NRG2: variants seen among roughly 807,000 people sequenced by gnomAD.
The protein encoded by NRG2 is neuregulin 2, also known as pro-neuregulin-2, membrane-bound isoform.
In NRG2, 27 loss-of-function variants were observed where a neutral mutation model predicts 73.9. The observed-to-expected ratio is 0.37, with a 90% CI of 0.27 to 0.50. NRG2 has a LOEUF of 0.50. Among genes scored for constraint, NRG2 ranks in the 20% least tolerant of loss-of-function variants. The pLI is 0.96. For synonymous variants in NRG2, 532 were observed against 541.0 expected (o/e 0.98, Z 0.23); for missense variants, 1,126 against 1,210.1 (o/e 0.93, Z 1.03).
Position 139,895,878 on chromosome 5 carries a change from T to C in NRG2, c.701-8367A>G, listed in dbSNP as rs536197779. Among the ~76,000 whole-genome samples the C allele has an allele frequency of 9.5e-4, 145 of 152,348 alleles. 1 individual carries two copies. The highest frequency in any genetic ancestry group is 3.4e-3 in the African/African-American group (140 of 41,574). ...GAAAGCTGGGCTCTGGGCCAAAGTC[T>C]TGGGCCCTGGCCCAGGAGAACCTTC... On this transcript the variant is annotated intron_variant, in intron 1 of 9. Transcript: ENST00000361474.
At chr5:139,978,712 C>A (rs1433244304) in intron 1 of NRG2, among the ~76,000 whole-genome samples, 4 of 152,116 alleles carry the variant, frequency 2.6e-5, no homozygotes, top group Non-Finnish European at 5.9e-5. Flanking sequence ...GCACTATTCA[C>A]AATATTGTGA....
chr5:139,918,091 C>T (rs565694077), intron 1 of NRG2, among the ~76,000 whole-genome samples: 134 of 152,248 alleles, frequency 8.8e-4, no homozygotes, highest in African/African-American at 2.7e-3. Flanking sequence ...TATTCTTTTG[C>T]GCGTGGATAT....
chr5:139,918,527 T>C (rs1202454069), intron 1 of NRG2, among the ~76,000 whole-genome samples: 8 of 152,164 alleles, frequency 5.3e-5, no homozygotes, highest in Non-Finnish European at 8.8e-5. Context: ...CGCATTACCA[T>C]CTTCACATAG....
Position 139,851,574 on chromosome 5 carries a change from C to T in NRG2, c.1772+30G>A, listed in dbSNP as rs77167167. On this transcript the variant is annotated intron_variant, in intron 9 of 9. Transcript: ENST00000361474. This position sits in a 1 kb window ranked among gnomAD's most constrained non-coding sequence, Gnocchi z 4.2. Reference sequence around the variant, plus strand: ...CAGTGGTGCCAGCCCTCTGGCTAAGCGGGGAATAGGTCAGGGGGTAGGAAC... The same window carrying T: ...CAGTGGTGCCAGCCCTCTGGCTAAGTGGGGAATAGGTCAGGGGGTAGGAAC... The T allele has an allele frequency of 6.0e-5, 97 of 1,605,328 alleles. No individual in the cohort carries two copies. Among genetic ancestry groups the T allele is most frequent in the Admixed American group, 4.5e-4 (27 of 59,904 alleles).
rs1232572479 is a variant in NRG2, at chr5:139,869,049, C to A, written c.1112+2672G>T. The stretch of plus-strand genomic sequence containing the variant: ...AAAGCAGCAAGAGGGAGTGCAGAGG[C>A]CCCTGTCTGGCCCAGACAGGGGACA... On this transcript the variant is annotated intron_variant, in intron 4 of 9. Coordinates refer to ENST00000361474, the MANE Select transcript of NRG2 (RefSeq NM_004883.3). The surrounding 1 kb of genome is among the most constrained non-coding windows in gnomAD (Gnocchi z 4.5). Among the ~76,000 whole-genome samples, 2 of 152,084 alleles carry A rather than the reference C, an allele frequency of 1.3e-5. No homozygotes were observed. The highest frequency in any genetic ancestry group is 4.8e-5 in the African/African-American group (2 of 41,386).
chr5:139,848,743 CGCGGG>C (rs1761205597), intron 9 of NRG2, 46 bp from the exon 10 acceptor site: 1 of 137,850 alleles, frequency 7.3e-6, no homozygotes, highest in Admixed American at 5.1e-4. Context: ...GCCGGGCCGG[CGCGGG>C]GGAGGGGGGG....
intron 1 of NRG2, among the ~76,000 whole-genome samples, chr5:139,913,834 T>C (rs1751037261): frequency 6.6e-6 from 1 of 152,236 alleles, no homozygotes; most frequent in Admixed American, 6.5e-5. Context: ...GTAAGTATCC[T>C]GGAACTTCCT....
intron 1 of NRG2, among the ~76,000 whole-genome samples, chr5:139,991,445 A>ATATTAT (rs919424058): frequency 3.3e-5 from 5 of 151,896 alleles, no homozygotes; most frequent in African/African-American, 1.2e-4. Flanking sequence ...TTTACATTTC[A>ATATTAT]TATTATTATT....
At chr5:139,906,482 T>C (rs942325297) in intron 1 of NRG2, among the ~76,000 whole-genome samples, 2 of 152,202 alleles carry the variant, frequency 1.3e-5, no homozygotes, top group Non-Finnish European at 2.9e-5. Context: ...ACACTTACTC[T>C]ATCTCCTCTC....
At chr5:139,898,904 T>A (rs1467285013) in intron 1 of NRG2, among the ~76,000 whole-genome samples, 1 of 152,192 alleles carries the variant, frequency 6.6e-6, no homozygotes, top group Non-Finnish European at 1.5e-5. Context: ...ACTTCTTCAA[T>A]CTGGGCACAT....
chr5:139,914,084 A>G (rs535040762), intron 1 of NRG2, among the ~76,000 whole-genome samples: 6 of 152,250 alleles, frequency 3.9e-5, no homozygotes, highest in Admixed American at 3.9e-4. Flanking sequence ...TGAGCCCAGG[A>G]GGTTGAGGCT....
chr5:140,021,729 T>A (rs1760243381), intron 1 of NRG2, among the ~76,000 whole-genome samples: 1 of 152,170 alleles, frequency 6.6e-6, no homozygotes. Flanking sequence ...CAGGGAGACC[T>A]CTGAAGAGCA....
At position 139,915,747 on chromosome 5, in the gene NRG2, T is replaced by C. The variant is rs1751201236; in HGVS notation, c.701-28236A>G. On this transcript the variant is annotated intron_variant, in intron 1 of 9. Transcript: ENST00000361474. This position sits in a 1 kb window ranked among gnomAD's most constrained non-coding sequence, Gnocchi z 4.0. ...GTGTGGTAAATTCTAGACGATCAGCTAGTTAAAATGAAAGGAAGGATCATG... is the reference window on the plus strand; with the variant it reads ...GTGTGGTAAATTCTAGACGATCAGCCAGTTAAAATGAAAGGAAGGATCATG... Among the ~76,000 whole-genome samples, 1 of 152,212 alleles carries C rather than the reference T, an allele frequency of 6.6e-6. No homozygotes were observed. Among genetic ancestry groups the C allele is most frequent in the South Asian group, 2.1e-4 (1 of 4,832 alleles).
At chr5:139,968,908 G>A (rs568016597) in intron 1 of NRG2, among the ~76,000 whole-genome samples, 1 of 152,360 alleles carries the variant, frequency 6.6e-6, no homozygotes, top group East Asian at 1.9e-4. Flanking sequence ...CGGTGCAGGA[G>A]CTGAGACGCA....
intron 1 of NRG2, among the ~76,000 whole-genome samples, chr5:140,034,000 C>T (rs113012916): frequency 0.069 from 10,530 of 151,686 alleles, 477 homozygotes; most frequent in Non-Finnish European, 0.096. Flanking sequence ...GCTCTATCAC[C>T]CAGGCTGCAG....
intron 1 of NRG2, among the ~76,000 whole-genome samples, chr5:140,014,144 C>T (rs1480658248): frequency 6.6e-6 from 1 of 152,176 alleles, no homozygotes; most frequent in African/African-American, 2.4e-5. Flanking sequence ...AAACCAAACC[C>T]CTTAATTGTC....
At position 139,847,895 on chromosome 5, in the gene NRG2, C is replaced by A. The variant is rs1373394396; in HGVS notation, c.*22G>T. The stretch of plus-strand genomic sequence containing the variant: ...CTTAAAGATAGTGGGGCGGGCGGGG[C>A]GGAGGGGCGCGCGGCGGGGCCCTAG... On this transcript the variant is annotated 3_prime_UTR_variant, in exon 10 of 10. Coordinates refer to ENST00000361474, the MANE Select transcript of NRG2 (RefSeq NM_004883.3). 4.0e-6 allele frequency: 5 copies of A among 1,261,058 alleles called. No individual in the cohort carries two copies. The highest frequency in any genetic ancestry group is 3.3e-5 in the South Asian group (2 of 60,256). 78.1% of individuals were successfully genotyped at this position (1,261,058 alleles called of 1,614,324 possible).
At chr5:139,912,500 C>A (rs1340036752) in intron 1 of NRG2, among the ~76,000 whole-genome samples, 1 of 152,104 alleles carries the variant, frequency 6.6e-6, no homozygotes, top group Non-Finnish European at 1.5e-5. Context: ...ACTAACTTCA[C>A]AGTGGTTATG....
At chr5:140,035,873 T>C (rs1173215342) in intron 1 of NRG2, among the ~76,000 whole-genome samples, 1 of 152,162 alleles carries the variant, frequency 6.6e-6, no homozygotes, top group Non-Finnish European at 1.5e-5. Context: ...TGGATTCTGT[T>C]TCTGGGGAGA....
Sources: gnomAD v4.1 joint callset for allele counts (sites outside exome capture counted in the v4.1 genomes callset) on GRCh38, gnomAD v4.1.1 for gene constraint, Gnocchi (gnomAD v3.1) non-coding constraint, MANE v1.5 for transcripts, NCBI Gene and HGNC (gene_info 2026-07-23, HGNC 2026-07-21) for gene names.